Variants in XG observed in about 807,000 individuals in gnomAD.
XG encodes the protein glycoprotein Xg.
Under a neutral mutation model 25.7 loss-of-function variants are expected in XG, and 24 were observed. The observed-to-expected ratio is 0.93, with a 90% CI of 0.68 to 1.31. XG has a LOEUF of 1.31. Ranked by LOEUF, XG falls within the 40% of genes most tolerant of loss-of-function variation. The pLI is 0.00. For synonymous variants in XG, 77 were observed against 69.2 expected (o/e 1.11, Z -0.56); for missense variants, 181 against 187.6 (o/e 0.96, Z 0.21).
At chrX:2,806,795 C>T (rs1343986781) in intron 8 of XG, 50 bp downstream of exon 8, 3 of 1,000,456 alleles carry the variant, frequency 3.0e-6, no homozygotes, top group Non-Finnish European at 2.7e-6. Flanking sequence ...TGTCCATTTG[C>T]AAATAACTAA....
At chrX:2,802,578 G>A (rs1439115879) in intron 7 of XG, among the ~76,000 whole-genome samples, 1 of 110,382 alleles carries the variant, frequency 9.1e-6, no homozygotes, top group Non-Finnish European at 1.9e-5. Context: ...GGTTGGAGGT[G>A]GAATGACAGA....
intron 1 of XG, among the ~76,000 whole-genome samples, chrX:2,755,921 G>C (rs1231023576): frequency 6.6e-6 from 1 of 152,126 alleles, no homozygotes; most frequent in Non-Finnish European, 1.5e-5. Context: ...AGGATCAATA[G>C]CTAATGCATG....
intron 10 of XG, among the ~76,000 whole-genome samples, chrX:2,814,139 AT>A (rs1353635674): frequency 9.0e-6 from 1 of 111,019 alleles, no homozygotes; most frequent in Non-Finnish European, 1.9e-5. Context: ...TAGATTTTTC[AT>A]TCTTCTAGCT....
chrX:2,811,423 A>G lies in XG; in HGVS notation c.542A>G (p.Asn181Ser), dbSNP rs1448301703. 1 of 1,205,457 alleles carries G rather than the reference A, an allele frequency of 8.3e-7. No individual in the cohort carries two copies. Among genetic ancestry groups the G allele is most frequent in the Admixed American group, 2.2e-5 (1 of 45,628 alleles). ...GCAGCAGCCAGTTATTTCAAACTAA[A>G]CAATAGGAGAAATTGTTTCAGGACC... ...LGAAASYFKLNNRRNCFRTHE... is the reference protein window; with the variant it reads ...LGAAASYFKLSNRRNCFRTHE... The change falls in exon 10 of 11, where the codon AAC becomes AGC. Residue 181 changes from asparagine to serine, a missense_variant. Transcript: ENST00000644266.
intron 10 of XG, among the ~76,000 whole-genome samples, chrX:2,812,407 G>A (rs997972359): frequency 6.3e-5 from 7 of 110,738 alleles, no homozygotes; most frequent in African/African-American, 2.3e-4. Context: ...TCTTTAACTG[G>A]GTGTCTCTGG....
chrX:2,774,059 G>C (rs1376283424), intron 2 of XG, among the ~76,000 whole-genome samples: 1 of 152,148 alleles, frequency 6.6e-6, no homozygotes, highest in African/African-American at 2.4e-5. Context: ...ATGCTAGGCT[G>C]TTATGTAAAC....
chrX:2,776,870 A>G (rs1025822865), intron 3 of XG, among the ~76,000 whole-genome samples: 1 of 152,160 alleles, frequency 6.6e-6, no homozygotes, highest in African/African-American at 2.4e-5. Flanking sequence ...ACAAAAAGAA[A>G]TAACTCCCAG....
chrX:2,762,200 G>A (rs1243669601), intron 1 of XG, among the ~76,000 whole-genome samples: 1 of 152,194 alleles, frequency 6.6e-6, no homozygotes, highest in Non-Finnish European at 1.5e-5. Flanking sequence ...TGTGATGAAT[G>A]ATCATTCCTT....
chrX:2,758,056 A>G (rs2050476396), intron 1 of XG, among the ~76,000 whole-genome samples: 2 of 151,284 alleles, frequency 1.3e-5, no homozygotes, highest in Non-Finnish European at 2.9e-5. Context: ...AGCGTACAGA[A>G]CCCCAAACCA....
chrX:2,766,625 T>C (rs914587570), intron 1 of XG, among the ~76,000 whole-genome samples: 16 of 142,804 alleles, frequency 1.1e-4, no homozygotes, highest in East Asian at 8.7e-4. Context: ...AGTGTACTGG[T>C]GTGAACTCGG....
In XG at chrX:2,765,195, A is replaced by T. The variant is rs1319698612; in HGVS notation, c.62-5355A>T. 9.2e-5 allele frequency among the ~76,000 whole-genome samples: 14 copies of T among 152,008 alleles called. No homozygotes were observed. In the South Asian group the frequency reaches 2.7e-3, roughly 29 times the overall value. On this transcript the variant is annotated intron_variant, in intron 1 of 10. Transcript: ENST00000644266. ...ACCCCATCTCTACTAAAAATAAAAA[A>T]AATTAGTTGGGCATAGTAGGGGGCG...
Position 2,775,972 on chromosome X carries a change from AG to A in XG, c.127+1234del, listed in dbSNP as rs745470084. ...TTCCGTCTCAAAAAAAAAAAAAAAAAGAAAAGAAAAGAAAAGAAAAAGAAAT... is the reference window on the plus strand; with the variant it reads ...TTCCGTCTCAAAAAAAAAAAAAAAAAAAAAGAAAAGAAAAGAAAAAGAAAT... On this transcript the variant is annotated intron_variant, in intron 3 of 10. Transcript: ENST00000644266. Among the ~76,000 whole-genome samples the A allele has an allele frequency of 8.3e-3, 75 of 9,090 alleles. No individual in the cohort carries two copies. In the East Asian group the frequency reaches 0.18, roughly 22 times the overall value. The allele number at this position is 9,090 out of a possible 152,430, so 6.0% of individuals were successfully genotyped here.
rs1409556108 is a variant in XG at position 2,781,144 on chromosome X, G to GCCC, written c.128-921_128-920insCCC. On this transcript the variant is annotated intron_variant, in intron 3 of 10. Transcript: ENST00000644266. ...GAGTGGTTAAATATTAAAAGCCAGT[G>GCCC]CTGTTATACAAAGGCTGGAATGTAA... 3.9e-5 allele frequency among the ~76,000 whole-genome samples: 6 copies of GCCC among 151,926 alleles called. No individual in the cohort carries two copies. In the South Asian group the frequency reaches 1.2e-3, roughly 32 times the overall value.
chrX:2,790,627 CCT>C (rs1049322434), intron 5 of XG, among the ~76,000 whole-genome samples: 7 of 111,607 alleles, frequency 6.3e-5, no homozygotes, highest in Admixed American at 3.8e-4. Flanking sequence ...ATGGTGAACC[CCT>C]GTTTCTACTA....
Position 2,769,742 on chromosome X carries a change from C to T in XG, c.62-808C>T, listed in dbSNP as rs931495050. On this transcript the variant is annotated intron_variant, in intron 1 of 10. Coordinates refer to ENST00000644266, the MANE Select transcript of XG (RefSeq NM_001141919.2). ...AATGTTCTCTTCTCTCTGCTGCAGA[C>T]ACATTCATTAGATTAACTGCTTTTG... Among the ~76,000 whole-genome samples the T allele has an allele frequency of 1.2e-3, 187 of 152,202 alleles. 1 individual carries two copies. The highest frequency in any genetic ancestry group is 2.4e-3 in the Non-Finnish European group (164 of 68,032).
chrX:2,786,260 CT>C (rs1179667048), intron 4 of XG, among the ~76,000 whole-genome samples: 1,020 of 60,550 alleles, frequency 0.017, 62 homozygotes, highest in African/African-American at 0.063. Context: ...TCCATGTTGT[CT>C]TTTTTTTTTT....
rs1411198177 is a variant in XG at position 2,782,725 on chromosome X, A to C, written c.190+597A>C. Reference sequence around the variant, plus strand: ...AGGCTGCAAAATATCTCAAGCACCGATCTTAGGTTTTACAATAGTGATGTT... The same window carrying C: ...AGGCTGCAAAATATCTCAAGCACCGCTCTTAGGTTTTACAATAGTGATGTT... On this transcript the variant is annotated intron_variant, in intron 4 of 10. Coordinates refer to ENST00000644266, the MANE Select transcript of XG (RefSeq NM_001141919.2). 3.6e-5 allele frequency among the ~76,000 whole-genome samples: 4 copies of C among 111,516 alleles called. No individual in the cohort carries two copies. The Admixed American group carries it at 3.8e-4, about 11-fold the overall frequency.
chrX:2,760,077 G>A (rs1483688267), intron 1 of XG, among the ~76,000 whole-genome samples: 1 of 152,082 alleles, frequency 6.6e-6, no homozygotes, highest in East Asian at 1.9e-4. Flanking sequence ...CTTGAACCTG[G>A]GAGGCAGAGG....
intron 2 of XG, among the ~76,000 whole-genome samples, chrX:2,774,226 C>A (rs979644347): frequency 6.6e-6 from 1 of 152,124 alleles, no homozygotes; most frequent in African/African-American, 2.4e-5. Flanking sequence ...CACTGCACAC[C>A]CAGGTTCACT....
Sources: allele counts gnomAD v4.1 joint callset (sites outside exome capture counted in the v4.1 genomes callset), GRCh38; gene constraint gnomAD v4.1.1; transcripts MANE v1.5; gene names NCBI Gene and HGNC (gene_info 2026-07-23, HGNC 2026-07-21).